POU6F2: variants seen among roughly 807,000 people sequenced by gnomAD.
POU6F2 encodes the protein POU domain, class 6, transcription factor 2.
Under a neutral mutation model 71.3 loss-of-function variants are expected in POU6F2, and 31 were observed. The observed-to-expected ratio is 0.43, with a 90% CI of 0.33 to 0.59. The LOEUF is 0.59. Ranked by LOEUF, POU6F2 falls within the 20% of genes least tolerant of loss-of-function variation. POU6F2 has a pLI of 0.04. For synonymous variants in POU6F2, 347 were observed against 355.7 expected (o/e 0.98, Z 0.27); for missense variants, 783 against 856.8 (o/e 0.91, Z 1.07).
At chr7:39,377,924 G>GAACTTTTCCTTCTCCTCA (rs1554347879) in intron 5 of POU6F2, among the ~76,000 whole-genome samples, 2 of 152,284 alleles carry the variant, frequency 1.3e-5, no homozygotes, top group African/African-American at 4.8e-5. Context: ...TTCAGGAGAG[G>GAACTTTTCCTTCTCCTCA]AACTTTTCCT....
chr7:39,088,213 T>C (rs1014885254), intron 2 of POU6F2, among the ~76,000 whole-genome samples: 1 of 152,108 alleles, frequency 6.6e-6, no homozygotes, highest in African/African-American at 2.4e-5. Context: ...TTTTGAGAAC[T>C]TGAGAAAAAA....
At chr7:39,320,750 G>A (rs1352882386) in intron 4 of POU6F2, among the ~76,000 whole-genome samples, 5 of 152,122 alleles carry the variant, frequency 3.3e-5, no homozygotes, top group Non-Finnish European at 7.3e-5. Context: ...CATAGTAAGG[G>A]GTTAACGACA....
At position 39,460,753 on chromosome 7, in the gene POU6F2, C is replaced by A. The variant is rs885689; in HGVS notation, c.1658+38C>A. 6.6e-7 allele frequency: 1 copy of A among 1,508,144 alleles called. No homozygotes were observed. The highest frequency in any genetic ancestry group is 1.4e-5 in the African/African-American group (1 of 72,142). The allele number at this position is 1,508,144 out of a possible 1,614,324, so 93.4% of individuals were successfully genotyped here. A position where few individuals can be genotyped will look rare whatever the true frequency, so the allele number is the denominator to read the frequency against. ...TGCATGCTGTCACCTCTTCTAGCCG[C>A]CCTGGGCCTCATTTGTCCTCGCGGT... On this transcript the variant is annotated intron_variant, in intron 9 of 9. Coordinates refer to ENST00000518318, the MANE Select transcript of POU6F2 (RefSeq NM_001370959.1). This position sits in a 1 kb window ranked among gnomAD's most constrained non-coding sequence, Gnocchi z 4.4.
At chr7:39,129,035 A>G (rs1792200144) in intron 2 of POU6F2, among the ~76,000 whole-genome samples, 1 of 152,200 alleles carries the variant, frequency 6.6e-6, no homozygotes, top group Non-Finnish European at 1.5e-5. Context: ...AAATAAACAT[A>G]CCTGAAATGA....
intron 4 of POU6F2, among the ~76,000 whole-genome samples, chr7:39,239,828 A>G (rs759422125): frequency 4.6e-5 from 7 of 152,120 alleles, no homozygotes; most frequent in Non-Finnish European, 1.0e-4. Flanking sequence ...ATTTCTAAAG[A>G]CAGTAGCCTA....
Position 39,347,913 on chromosome 7 carries a change from T to G in POU6F2, c.972+7898T>G, listed in dbSNP as rs1331403118. On this transcript the variant is annotated intron_variant, in intron 5 of 9. Coordinates refer to ENST00000518318, the MANE Select transcript of POU6F2 (RefSeq NM_001370959.1). ...TTCCAAAGTGCTGGGATTATAGGTG[T>G]CAGCCACTGTGCCCAGCCCATCAAT... Among the ~76,000 whole-genome samples the G allele has an allele frequency of 2.1e-5, 3 of 143,586 alleles. 1 individual carries two copies. The highest frequency in any genetic ancestry group is 5.0e-5 in the African/African-American group (2 of 40,132). 94.2% of individuals were successfully genotyped at this position (143,586 alleles called of 152,430 possible).
chr7:39,401,976 C>G (rs1376327863), intron 5 of POU6F2, among the ~76,000 whole-genome samples: 1 of 152,154 alleles, frequency 6.6e-6, no homozygotes, highest in Non-Finnish European at 1.5e-5. Context: ...AATACCATAG[C>G]TAAATTGCCT....
At chr7:39,390,868 G>A (rs1787061608) in intron 5 of POU6F2, among the ~76,000 whole-genome samples, 1 of 151,194 alleles carries the variant, frequency 6.6e-6, no homozygotes, top group African/African-American at 2.4e-5. Flanking sequence ...TTTTTTACCT[G>A]TGGACAACTT....
At chr7:39,329,894 A>G (rs1174786317) in intron 4 of POU6F2, among the ~76,000 whole-genome samples, 2 of 152,242 alleles carry the variant, frequency 1.3e-5, no homozygotes, top group South Asian at 2.1e-4. Context: ...ATTAACGTCA[A>G]ATACTTAAAA....
intron 2 of POU6F2, among the ~76,000 whole-genome samples, chr7:39,121,242 A>T (rs879729607): frequency 2.0e-5 from 3 of 152,220 alleles, no homozygotes; most frequent in African/African-American, 4.8e-5. Context: ...TACTCTTAGA[A>T]TCTCCGTTTC....
intron 4 of POU6F2, among the ~76,000 whole-genome samples, chr7:39,232,774 T>C (rs1056778348): frequency 2.0e-5 from 3 of 152,216 alleles, no homozygotes; most frequent in African/African-American, 7.2e-5. Context: ...GAAGTAGTTA[T>C]GGCCCATGTC....
chr7:39,218,345 A>C (rs1794281700), intron 4 of POU6F2, among the ~76,000 whole-genome samples: 1 of 152,176 alleles, frequency 6.6e-6, no homozygotes, highest in South Asian at 2.1e-4. Flanking sequence ...GTGGGGACAG[A>C]GAGTGGGGGG....
At chr7:39,303,412 GC>G (rs1213519208) in intron 4 of POU6F2, among the ~76,000 whole-genome samples, 1 of 152,186 alleles carries the variant, frequency 6.6e-6, no homozygotes, top group Non-Finnish European at 1.5e-5. Flanking sequence ...CTCCCAAAGT[GC>G]TGGGATTACA....
chr7:39,299,340 C>A (rs2128764251), intron 4 of POU6F2, among the ~76,000 whole-genome samples: 1 of 152,276 alleles, frequency 6.6e-6, no homozygotes, highest in East Asian at 1.9e-4. Context: ...TCTGTTGACC[C>A]TTTTGGCTAC....
At chr7:39,014,797 G>A (rs556167327) in intron 1 of POU6F2, among the ~76,000 whole-genome samples, 1 of 152,144 alleles carries the variant, frequency 6.6e-6, no homozygotes, top group South Asian at 2.1e-4. Flanking sequence ...CACAAATGCT[G>A]GAGAGCTCTT....
Position 39,406,705 on chromosome 7 carries a change from G to T in POU6F2, c.1078G>T (p.Val360Phe), listed in dbSNP as rs1787440907. 3.1e-6 allele frequency: 5 copies of T among 1,613,758 alleles called. No individual in the cohort carries two copies. The East Asian group carries it at 1.1e-4, about 36-fold the overall frequency. ...FGNALSSLQG[V>F]TGQLVTNAQG... Reference sequence around the variant, plus strand: ...CAATGCCCTCTCCAGTCTTCAGGGGGTCACAGGTCAACTAGTTACTAATGC... The same window carrying T: ...CAATGCCCTCTCCAGTCTTCAGGGGTTCACAGGTCAACTAGTTACTAATGC... The change falls in exon 6 of 10, where the codon GTC (valine) becomes TTC (phenylalanine). Residue 360 changes from valine (V) to phenylalanine (F), a missense_variant. Val to Phe is a conservative substitution (Grantham distance 50). Around this residue, in one of 2 missense-constraint regions of POU6F2, gnomAD observed 572 missense variants for 572.9 expected, o/e 1.00. Coordinates refer to ENST00000518318, the MANE Select transcript of POU6F2 (RefSeq NM_001370959.1).
At chr7:38,982,131 T>G (rs1788334346) in intron 1 of POU6F2, among the ~76,000 whole-genome samples, 1 of 152,144 alleles carries the variant, frequency 6.6e-6, no homozygotes, top group African/African-American at 2.4e-5. Flanking sequence ...TATTCGTGCC[T>G]TACATATAAA....
chr7:39,006,958 A>T, intron 1 of POU6F2: 1 of 1,330,538 alleles, frequency 7.5e-7, no homozygotes. Context: ...GGAGGGAAAT[A>T]ATTGTCATGT....
At chr7:39,445,780 A>G (rs1216301855) in intron 7 of POU6F2, among the ~76,000 whole-genome samples, 2 of 152,200 alleles carry the variant, frequency 1.3e-5, no homozygotes, top group African/African-American at 4.8e-5. Flanking sequence ...AGTAAGGCTC[A>G]GGCATTCATT....
Sources: allele counts gnomAD v4.1 joint callset (sites outside exome capture counted in the v4.1 genomes callset), GRCh38; gene constraint gnomAD v4.1.1; regional missense constraint gnomAD v4.1.1; non-coding constraint Gnocchi (gnomAD v3.1); transcripts MANE v1.5; gene names NCBI Gene and HGNC (gene_info 2026-07-23, HGNC 2026-07-21).